Variants in SLC6A5 observed in about 807,000 individuals in gnomAD.
The protein encoded by SLC6A5 is sodium- and chloride-dependent glycine transporter 2.
SLC6A5 carries 58 observed loss-of-function variants against 90.5 expected under a neutral mutation model. The observed-to-expected ratio is 0.64, with a 90% CI of 0.52 to 0.80. The LOEUF (loss-of-function observed/expected upper bound fraction) is 0.80, where lower values mean the gene tolerates loss of function less well. SLC6A5 is among the 30% of genes least tolerant of loss of function. The pLI, the probability that SLC6A5 is intolerant of heterozygous loss-of-function variation, is 0.00. For missense variants in SLC6A5, 1,015 were observed against 1,017.6 expected (o/e 1.00, Z 0.03); for synonymous variants, 427 against 401.4 (o/e 1.06, Z -0.76).
chr11:20,654,959 ATCT>A lies in SLC6A5; in HGVS notation c.*93_*95del. On this transcript the variant is annotated 3_prime_UTR_variant, in exon 16 of 16. Transcript: ENST00000525748. Reference sequence around the variant, plus strand: ...CATAGCTCTCCTCCCATTTTTCTTCATCTTTCTTCCTACATCTTGGTTCACATC... The same window carrying A: ...CATAGCTCTCCTCCCATTTTTCTTCATTCTTCCTACATCTTGGTTCACATC... The A allele has an allele frequency of 1.5e-6, 2 of 1,327,558 alleles. No homozygotes were observed. Among genetic ancestry groups the A allele is most frequent in the Non-Finnish European group, 2.2e-6 (2 of 919,130 alleles). 82.2% of individuals were successfully genotyped at this position (1,327,558 alleles called of 1,614,324 possible). A position where few individuals can be genotyped will look rare whatever the true frequency, so the allele number is the denominator to read the frequency against.
chr11:20,645,317 T>C (rs1271276894), intron 13 of SLC6A5, among the ~76,000 whole-genome samples: 1 of 151,982 alleles, frequency 6.6e-6, no homozygotes, highest in East Asian at 1.9e-4. Flanking sequence ...TGGGGGACAC[T>C]GATCAGATGA....
Position 20,633,648 on chromosome 11 carries a change from C to G in SLC6A5, c.1625-2659C>G, listed in dbSNP as rs538499272. On this transcript the variant is annotated intron_variant, in intron 10 of 15. Coordinates refer to ENST00000525748, the MANE Select transcript of SLC6A5 (RefSeq NM_004211.5). ...TACTGAAATGAAGAGCCCCTTTGAT[C>G]CCTTCTCATAAGAAGACTAATAATG... 5.3e-5 allele frequency among the ~76,000 whole-genome samples: 8 copies of G among 152,244 alleles called. No individual in the cohort carries two copies. In the East Asian group the frequency reaches 1.5e-3, roughly 29 times the overall value.
intron 6 of SLC6A5, among the ~76,000 whole-genome samples, chr11:20,615,160 C>T (rs2133785236): frequency 6.6e-6 from 1 of 152,118 alleles, no homozygotes; most frequent in Non-Finnish European, 1.5e-5. Context: ...GGAAGAGAGA[C>T]AAAAAGAAAA....
Position 20,655,057 on chromosome 11 carries a change from C to T in SLC6A5, c.*189C>T, listed in dbSNP as rs1853618209. The stretch of plus-strand genomic sequence containing the variant: ...TGCTGCAGTAAAGAGCTACATAGAC[C>T]ACCTGAAGCGCTGTTTGCCTGTGCC... On this transcript the variant is annotated 3_prime_UTR_variant, in exon 16 of 16. Transcript: ENST00000525748. The T allele has an allele frequency of 4.5e-6, 3 of 665,512 alleles. No homozygotes were observed. The highest frequency in any genetic ancestry group is 1.6e-5 in the South Asian group (1 of 61,634). 41.2% of individuals were successfully genotyped at this position (665,512 alleles called of 1,614,324 possible).
intron 2 of SLC6A5, among the ~76,000 whole-genome samples, chr11:20,604,015 AAG>A (rs1852527634): frequency 6.6e-6 from 1 of 152,008 alleles, no homozygotes; most frequent in Non-Finnish European, 1.5e-5. Context: ...TGATCTGGGA[AAG>A]AGGGGTTTTG....
chr11:20,604,759 G>A (rs1373918338), intron 3 of SLC6A5, among the ~76,000 whole-genome samples: 1 of 152,070 alleles, frequency 6.6e-6, no homozygotes, highest in African/African-American at 2.4e-5. Context: ...GCGGCACTCC[G>A]GGCATCCAAC....
chr11:20,621,303 C>T (rs1457008879), intron 7 of SLC6A5, among the ~76,000 whole-genome samples: 2 of 152,168 alleles, frequency 1.3e-5, no homozygotes, highest in Non-Finnish European at 2.9e-5. Flanking sequence ...ATATTACAGC[C>T]TCATTGTCTT....
In SLC6A5 at chr11:20,653,318, G is replaced by T. The variant is rs139875308; in HGVS notation, c.2238+862G>T. Among the ~76,000 whole-genome samples the T allele has an allele frequency of 8.5e-5, 13 of 152,294 alleles. No individual in the cohort carries two copies. In the East Asian group the frequency reaches 2.3e-3, roughly 27 times the overall value. On this transcript the variant is annotated intron_variant, in intron 15 of 15. Coordinates refer to ENST00000525748, the MANE Select transcript of SLC6A5 (RefSeq NM_004211.5). Reference sequence around the variant, plus strand: ...GCATATGATCAGAATCCAGGCAGAAGACTCCTACTGAACCAGAGTCTTGGG... The same window carrying T: ...GCATATGATCAGAATCCAGGCAGAATACTCCTACTGAACCAGAGTCTTGGG...
rs141037254 is a variant in SLC6A5, at chr11:20,601,565, C to T, written c.440C>T (p.Pro147Leu). ...GGCACCCTGGAGCGGAACAATACCC[C>T]TGTTGTGGGCTGGGTGAACATGAGC... ...GKGTLERNNT[P>L]VVGWVNMSQS... Residue 147 changes from proline to leucine, a missense_variant, in exon 2 of 16, where the codon CCT becomes CTT. This residue lies in a region of SLC6A5 where 567 missense variants were observed against 507.3 expected (regional missense o/e 1.12). Coordinates refer to ENST00000525748, the MANE Select transcript of SLC6A5 (RefSeq NM_004211.5). 14 of 1,614,048 alleles carry T rather than the reference C, an allele frequency of 8.7e-6. No homozygotes were observed. The African/African-American group carries it at 1.5e-4, about 17-fold the overall frequency.
Position 20,607,088 on chromosome 11 carries a change from T to G in SLC6A5, c.761T>G (p.Phe254Cys). Residue 254 changes from phenylalanine (F) to cysteine (C), a missense_variant, in exon 4 of 16, where the codon TTT (phenylalanine) becomes TGT (cysteine). Physicochemically the swap from Phe to Cys is radical, Grantham distance 205. Coordinates refer to ENST00000525748, the MANE Select transcript of SLC6A5 (RefSeq NM_004211.5). Reference sequence around the variant, plus strand: ...TTCTTGGAGGTGTCGCTGGGCCAGTTTGCCAGCCAGGGACCAGTGTCTGTG... The same window carrying G: ...TTCTTGGAGGTGTCGCTGGGCCAGTGTGCCAGCCAGGGACCAGTGTCTGTG... ...IFFLEVSLGQ[F>C]ASQGPVSVWK... The G allele has an allele frequency of 6.2e-7, 1 of 1,614,100 alleles. No individual in the cohort carries two copies. Among genetic ancestry groups the G allele is most frequent in the South Asian group, 1.1e-5 (1 of 91,070 alleles).
At chr11:20,617,245 T>C (rs4922791) in intron 6 of SLC6A5, among the ~76,000 whole-genome samples, 15,282 of 152,252 alleles carry the variant, frequency 0.1, 1,776 homozygotes, top group East Asian at 0.36. Context: ...CCTCAGGACA[T>C]ACCCACACAA....
At chr11:20,600,871 T>G (rs769766543) in intron 1 of SLC6A5, among the ~76,000 whole-genome samples, 3 of 152,164 alleles carry the variant, frequency 2.0e-5, no homozygotes, top group Non-Finnish European at 4.4e-5. Context: ...CCTTACAAAA[T>G]TACATTTCTA....
intron 4 of SLC6A5, 61 bp from the exon 5 acceptor site, chr11:20,607,418 A>T: frequency 6.3e-7 from 1 of 1,596,662 alleles, no homozygotes; most frequent in Non-Finnish European, 8.6e-7. Flanking sequence ...CCCTATGCCC[A>T]ACTCTAAGAA....
At chr11:20,624,160 T>C (rs1016146412) in intron 7 of SLC6A5, among the ~76,000 whole-genome samples, 10 of 149,228 alleles carry the variant, frequency 6.7e-5, no homozygotes, top group African/African-American at 2.4e-4. Context: ...ATTATATATA[T>C]ATATTTTTTT....
At chr11:20,600,991 TAA>T in intron 1 of SLC6A5, 136 bp from the exon 2 acceptor site, 1 of 820,168 alleles carries the variant, frequency 1.2e-6, no homozygotes, top group Non-Finnish European at 1.8e-6. Context: ...GCCTTTCTTT[TAA>T]AAAAAGTTCA....
rs1374623528 is a variant in SLC6A5, at chr11:20,601,371, C to T, written c.246C>T (p.Leu82=). The change falls in exon 2 of 16, where the codon CTC becomes CTT. Residue 82 remains leucine, a synonymous_variant. Coordinates refer to ENST00000525748, the MANE Select transcript of SLC6A5 (RefSeq NM_004211.5). ...AERPGVGSCK[L]SSPRAQAASA... Reference sequence around the variant, plus strand: ...GGCCAGGAGTGGGGTCTTGCAAACTCAGTAGCCCGCGGGCGCAGGCGGCCT... The same window carrying T: ...GGCCAGGAGTGGGGTCTTGCAAACTTAGTAGCCCGCGGGCGCAGGCGGCCT... 6.2e-7 allele frequency: 1 copy of T among 1,602,824 alleles called. No individual in the cohort carries two copies.
At chr11:20,630,600 AAC>A (rs1853089421) in intron 9 of SLC6A5, 89 bp from the exon 10 acceptor site, 2 of 1,400,004 alleles carry the variant, frequency 1.4e-6, no homozygotes, top group Non-Finnish European at 1.0e-6. Context: ...TGTGCAGACA[AAC>A]ATGTGGGCAC....
intron 5 of SLC6A5, among the ~76,000 whole-genome samples, chr11:20,609,282 A>ATT (rs1852649541): frequency 1.4e-5 from 2 of 145,798 alleles, no homozygotes; most frequent in African/African-American, 5.3e-5. Flanking sequence ...TTTAATTTTT[A>ATT]ATTTTTTTTT....
chr11:20,655,083 C>A lies in SLC6A5; in HGVS notation c.*215C>A. On this transcript the variant is annotated 3_prime_UTR_variant, in exon 16 of 16. Transcript: ENST00000525748. Reference sequence around the variant, plus strand: ...ACCTGAAGCGCTGTTTGCCTGTGCCCATGGTGACTGTTTCTGGTCAGGTTG... The same window carrying A: ...ACCTGAAGCGCTGTTTGCCTGTGCCAATGGTGACTGTTTCTGGTCAGGTTG... The A allele has an allele frequency of 1.7e-6, 1 of 583,680 alleles. No homozygotes were observed. Among genetic ancestry groups the A allele is most frequent in the Non-Finnish European group, 3.1e-6 (1 of 317,852 alleles). The allele number at this position is 583,680 out of a possible 1,614,324, so 36.2% of individuals were successfully genotyped here.
Sources: gnomAD v4.1 joint callset for allele counts (sites outside exome capture counted in the v4.1 genomes callset) on GRCh38, gnomAD v4.1.1 for gene constraint, gnomAD v4.1.1 regional missense constraint, MANE v1.5 for transcripts, NCBI Gene and HGNC (gene_info 2026-07-23, HGNC 2026-07-21) for gene names.